MXD4: variants seen among roughly 807,000 people sequenced by gnomAD.
MXD4 encodes the protein MAX dimerization protein 4, also known as Mad4 homolog.
Under a neutral mutation model 24.5 loss-of-function variants are expected in MXD4, and 16 were observed. The observed-to-expected ratio is 0.65, with a 90% CI of 0.44 to 0.99. MXD4 has a LOEUF of 0.99. Among genes scored for constraint, MXD4 ranks in the 50% least tolerant of loss-of-function variants. The probability of loss-of-function intolerance (pLI) is 0.00; values close to 1 mark genes in which losing one functional copy is unlikely to be tolerated. For synonymous variants in MXD4, 164 were observed against 134.2 expected, an observed-to-expected ratio of 1.22 and a Z score of -1.54; for missense variants, 301 against 301.5, an observed-to-expected ratio of 1.00 and a Z score of 0.01.
intron 2 of MXD4, among the ~76,000 whole-genome samples, chr4:2,258,440 G>C (rs114337676): frequency 0.023 from 3,468 of 152,186 alleles, 146 homozygotes; most frequent in African/African-American, 0.08. Flanking sequence ...CTTCCAGAGG[G>C]ATGGGGGAGG....
At chr4:2,258,857 G>C (rs988464754) in intron 2 of MXD4, 1 of 454,586 alleles carries the variant, frequency 2.2e-6, no homozygotes, top group Admixed American at 2.4e-5. Context: ...CAGCTTCTCT[G>C]GGGACAGTGG....
rs780613078 is a variant in MXD4, at chr4:2,250,548, G to A, written c.626C>T (p.Ser209Leu). Reference protein sequence around the residue: ...HCRRLGRPALS With the variant: ...HCRRLGRPALL ...CAAGGAGCAGAGGGCACGGGCCTAC[G>A]AGAGGGCGGGGCGGCCCAGCCGCCG... Residue 209 changes from serine to leucine, a missense_variant, in exon 6 of 6, where the codon TCG (serine) becomes TTG (leucine). By Grantham distance (145) the Ser-to-Leu change is moderately radical. Transcript: ENST00000337190. 1.8e-5 allele frequency: 28 copies of A among 1,584,668 alleles called. No individual in the cohort carries two copies. Among genetic ancestry groups the A allele is most frequent in the East Asian group, 1.6e-4 (7 of 43,342 alleles).
At chr4:2,261,276 A>G (rs1051115487) in intron 2 of MXD4, among the ~76,000 whole-genome samples, 2 of 151,986 alleles carry the variant, frequency 1.3e-5, no homozygotes, top group Admixed American at 1.3e-4. Context: ...TGGCAGAGCC[A>G]GTCGAAAGGA....
Position 2,251,228 on chromosome 4 carries a change from G to T in MXD4, c.328C>A (p.Arg110Ser), listed in dbSNP as rs780101684. 4 of 1,601,618 alleles carry T rather than the reference G, an allele frequency of 2.5e-6. No individual in the cohort carries two copies. The highest frequency in any genetic ancestry group is 2.2e-5 in the East Asian group (1 of 44,524). ...VHIKKLEEQDRRALSIKEQLQ... is the reference protein window; with the variant it reads ...VHIKKLEEQDSRALSIKEQLQ... ...TGCTCCTTGATGCTCAGTGCCCGGCGGTCCTGCTCCTCCAGTTTCTGGGGT... is the reference window on the plus strand; with the variant it reads ...TGCTCCTTGATGCTCAGTGCCCGGCTGTCCTGCTCCTCCAGTTTCTGGGGT... The change falls in exon 5 of 6, where the codon CGC becomes AGC. Residue 110 changes from arginine to serine, a missense_variant. Arg to Ser is a moderately radical substitution (Grantham distance 110). Transcript: ENST00000337190.
intron 2 of MXD4, among the ~76,000 whole-genome samples, chr4:2,261,430 C>CG (rs1735541878): frequency 6.6e-6 from 1 of 152,166 alleles, no homozygotes; most frequent in African/African-American, 2.4e-5. Context: ...CAGAACAACT[C>CG]GGGGGCGGGG....
At chr4:2,252,863 G>T in intron 3 of MXD4, 1 of 195,466 alleles carries the variant, frequency 5.1e-6, no homozygotes, top group East Asian at 2.3e-4. Context: ...GGGAGGGGTG[G>T]GGTGAGGCGA....
chr4:2,250,960 G>A (rs1275802999), intron 5 of MXD4, 124 bp downstream of exon 5: 2 of 1,282,818 alleles, frequency 1.6e-6, no homozygotes, highest in South Asian at 1.6e-5. Flanking sequence ...ACACACCCCA[G>A]TGCAGCAGGG....
At chr4:2,251,718 G>A (rs2108788499) in intron 4 of MXD4, among the ~76,000 whole-genome samples, 1 of 152,336 alleles carries the variant, frequency 6.6e-6, no homozygotes, top group Admixed American at 6.5e-5. Flanking sequence ...CTTCCTGTGG[G>A]CCCCACTGAG....
rs942805976 is a variant in MXD4, at chr4:2,251,323, C to T, written c.310-77G>A. On this transcript the variant is annotated intron_variant, in intron 4 of 5. Coordinates refer to ENST00000337190, the MANE Select transcript of MXD4 (RefSeq NM_006454.3). ...CCCCCTGGCCAGGCACTGGGGCACC[C>T]AGGCCTGGGCCCGGGAGGTTCCCCA... 6 of 1,439,312 alleles carry T rather than the reference C, an allele frequency of 4.2e-6. No individual in the cohort carries two copies. The African/African-American group carries it at 8.6e-5, about 21-fold the overall frequency. The allele number at this position is 1,439,312 out of a possible 1,614,324, so 89.2% of individuals were successfully genotyped here.
intron 2 of MXD4, among the ~76,000 whole-genome samples, chr4:2,260,372 G>C (rs1257745029): frequency 6.6e-6 from 1 of 152,240 alleles, no homozygotes; most frequent in African/African-American, 2.4e-5. Context: ...CTCTGAGCCT[G>C]GGGTGAAGAT....
intron 2 of MXD4, among the ~76,000 whole-genome samples, chr4:2,260,271 G>A (rs929766390): frequency 2.0e-5 from 3 of 152,226 alleles, no homozygotes; most frequent in African/African-American, 4.8e-5. Context: ...TCAGGAACAG[G>A]CGTCATCAGA....
intron 2 of MXD4, among the ~76,000 whole-genome samples, chr4:2,259,244 G>A (rs1408989574): frequency 4.6e-5 from 7 of 152,104 alleles, no homozygotes; most frequent in Non-Finnish European, 1.0e-4. Flanking sequence ...CCTCCCACCC[G>A]CTGCACCAAC....
intron 3 of MXD4, 130 bp downstream of exon 3, chr4:2,257,852 A>G: frequency 1.6e-6 from 2 of 1,243,588 alleles, no homozygotes; most frequent in South Asian, 1.3e-5. Context: ...GACCATTCCC[A>G]AGACAAGGAC....
chr4:2,255,287 T>C (rs907274248), intron 3 of MXD4: 3 of 455,962 alleles, frequency 6.6e-6, no homozygotes, highest in African/African-American at 6.0e-5. Flanking sequence ...GTGCCTGGGA[T>C]GCGGTCTCTG....
intron 2 of MXD4, among the ~76,000 whole-genome samples, chr4:2,259,727 C>T (rs987456885): frequency 6.6e-6 from 1 of 152,152 alleles, no homozygotes; most frequent in Non-Finnish European, 1.5e-5. Flanking sequence ...GGGATGTTTG[C>T]AACATGGGTC....
intron 4 of MXD4, 24 bp downstream of exon 4, chr4:2,252,384 G>A (rs780939716): frequency 3.2e-6 from 5 of 1,579,068 alleles, no homozygotes; most frequent in South Asian, 1.1e-5. Flanking sequence ...AGACAGGGCA[G>A]GGTGGAGAGC....
In MXD4 at chr4:2,250,219, G is replaced by A. The variant is rs532111217; in HGVS notation, c.*325C>T. 7 of 347,150 alleles carry A rather than the reference G, an allele frequency of 2.0e-5. No homozygotes were observed. In the East Asian group the frequency reaches 2.4e-4, roughly 12 times the overall value. 21.5% of individuals were successfully genotyped at this position (347,150 alleles called of 1,614,324 possible). On this transcript the variant is annotated 3_prime_UTR_variant, in exon 6 of 6. Transcript: ENST00000337190. ...TCATTAAGCCCCTCACACGGCACCT[G>A]CCGAGGTTTGCAGCAATGACGTTTA...
intron 2 of MXD4, chr4:2,259,093 G>C (rs1266709222): frequency 7.5e-6 from 3 of 399,392 alleles, no homozygotes; most frequent in Non-Finnish European, 1.5e-5. Context: ...ACTGCCTCGG[G>C]GCACCTCCAG....
intron 5 of MXD4, 150 bp downstream of exon 5, chr4:2,250,934 G>T: frequency 8.6e-7 from 1 of 1,169,126 alleles, no homozygotes. Flanking sequence ...AGTCCCTTCT[G>T]CGCTTAGTGA....
Sources: gnomAD v4.1 joint callset for allele counts (sites outside exome capture counted in the v4.1 genomes callset) on GRCh38, gnomAD v4.1.1 for gene constraint, MANE v1.5 for transcripts, NCBI Gene and HGNC (gene_info 2026-07-23, HGNC 2026-07-21) for gene names.